IFT122: variants seen among roughly 807,000 people sequenced by gnomAD.
IFT122 encodes the protein intraflagellar transport protein 122 homolog.
A neutral mutation model predicts 161.6 loss-of-function variants in IFT122; 118 were observed. The observed-to-expected ratio is 0.73, with a 90% CI of 0.63 to 0.85. The LOEUF is 0.85. Among genes scored for constraint, IFT122 ranks in the 40% least tolerant of loss-of-function variants. IFT122 has a pLI of 0.00. For synonymous variants in IFT122, 550 were observed against 602.4 expected, an observed-to-expected ratio of 0.91 and a Z score of 1.27; for missense variants, 1,381 against 1,579.6, an observed-to-expected ratio of 0.87 and a Z score of 2.13.
At chr3:129,442,623 A>G (rs560049476) in intron 1 of IFT122, among the ~76,000 whole-genome samples, 2 of 152,236 alleles carry the variant, frequency 1.3e-5, no homozygotes, top group Admixed American at 6.5e-5. Flanking sequence ...CTAGATGTCA[A>G]AGATTAGTCC....
At chr3:129,455,432 A>C (rs1025459315) in intron 3 of IFT122, among the ~76,000 whole-genome samples, 2 of 152,122 alleles carry the variant, frequency 1.3e-5, no homozygotes, top group Admixed American at 1.3e-4. Context: ...CGGCCTCCCA[A>C]AGTGCTGGGA....
intron 8 of IFT122, among the ~76,000 whole-genome samples, chr3:129,467,528 C>T (rs1019017495): frequency 1.3e-5 from 2 of 152,140 alleles, no homozygotes; most frequent in African/African-American, 4.8e-5. Context: ...TCGACACTTC[C>T]TCTATTACTG....
At chr3:129,471,349 ACT>A (rs2077351621) in intron 9 of IFT122, among the ~76,000 whole-genome samples, 1 of 152,056 alleles carries the variant, frequency 6.6e-6, no homozygotes, top group South Asian at 2.1e-4. Context: ...ATTTCCTAAA[ACT>A]CTCATTTTAA....
At chr3:129,447,970 G>A (rs757308965) in intron 1 of IFT122, among the ~76,000 whole-genome samples, 6 of 152,062 alleles carry the variant, frequency 3.9e-5, no homozygotes, top group Non-Finnish European at 7.4e-5. Flanking sequence ...ACGGTTGGGG[G>A]GGCTTACAAT....
chr3:129,499,939 T>C lies in IFT122; in HGVS notation c.2246T>C (p.Met749Thr). The change falls in exon 19 of 30, where the codon ATG becomes ACG. Residue 749 changes from methionine to threonine, a missense_variant. Met to Thr is a moderately conservative substitution (Grantham distance 81). Transcript: ENST00000348417. ...LGSGDPKETK[M>T]LITKQADWAR... ...TCTGGAGACCCCAAAGAAACAAAGA[T>C]GCTAATCACCAAACAGGCTGACTGG... 6.2e-7 allele frequency: 1 copy of C among 1,614,232 alleles called. No homozygotes were observed. Among genetic ancestry groups the C allele is most frequent in the Non-Finnish European group, 8.5e-7 (1 of 1,180,040 alleles).
At chr3:129,509,421 TCTC>T (rs1411478336) in intron 23 of IFT122, among the ~76,000 whole-genome samples, 5 of 152,220 alleles carry the variant, frequency 3.3e-5, no homozygotes, top group Admixed American at 3.3e-4. Context: ...AAGCCTCTCA[TCTC>T]CTTTGCAAAA....
At chr3:129,505,357 GAC>G (rs2082084196) in intron 21 of IFT122, among the ~76,000 whole-genome samples, 1 of 152,174 alleles carries the variant, frequency 6.6e-6, no homozygotes, top group Admixed American at 6.5e-5. Context: ...GCCCTCTCTG[GAC>G]ACATTGCAGA....
At chr3:129,515,719 A>G in intron 26 of IFT122, 120 bp downstream of exon 26, 1 of 859,496 alleles carries the variant, frequency 1.2e-6, no homozygotes, top group South Asian at 1.4e-5. Context: ...GTCCCTGTTT[A>G]TGAAATGAGG....
chr3:129,485,202 C>G (rs2079133257), intron 15 of IFT122, among the ~76,000 whole-genome samples: 1 of 152,200 alleles, frequency 6.6e-6, no homozygotes, highest in Non-Finnish European at 1.5e-5. Context: ...GCATAAATTC[C>G]TAGAAATGAA....
intron 19 of IFT122, among the ~76,000 whole-genome samples, chr3:129,502,097 A>G (rs1254127946): frequency 1.3e-5 from 2 of 152,240 alleles, no homozygotes; most frequent in Admixed American, 1.3e-4. Context: ...GGGTCCCTGC[A>G]GCTCCTCCCT....
intron 20 of IFT122, 52 bp downstream of exon 20, chr3:129,502,934 ACAGG>A (rs1277290496): frequency 2.5e-6 from 4 of 1,579,356 alleles, no homozygotes; most frequent in Non-Finnish European, 3.4e-6. Context: ...GCCCTGGGAC[ACAGG>A]CGGGTGGGTA....
Position 129,464,749 on chromosome 3 carries a change from G to T in IFT122, c.531G>T (p.Ser177=), listed in dbSNP as rs150496357. The T allele has an allele frequency of 1.9e-6, 3 of 1,614,040 alleles. No homozygotes were observed. Among genetic ancestry groups the T allele is most frequent in the African/African-American group, 2.7e-5 (2 of 74,982 alleles). ...VKIERPGGSL[S]PIWSICWNPS... is the part of the protein sequence containing the mutation. ...TCGAGCGGCCGGGGGGCTCCCTCTCGCCAATATGGTCCATCTGCTGGAACC... is the reference window on the plus strand; with the variant it reads ...TCGAGCGGCCGGGGGGCTCCCTCTCTCCAATATGGTCCATCTGCTGGAACC... Residue 177 remains serine (S), a synonymous_variant, in exon 7 of 30, where the codon TCG becomes TCT. Coordinates refer to ENST00000348417, the MANE Select transcript of IFT122 (RefSeq NM_052989.3).
intron 23 of IFT122, among the ~76,000 whole-genome samples, chr3:129,510,761 T>C (rs1302480106): frequency 6.6e-6 from 1 of 152,220 alleles, no homozygotes; most frequent in African/African-American, 2.4e-5. Context: ...CTGGCTCTTA[T>C]CCCAGCTGAA....
At chr3:129,512,277 G>T (rs1053945262) in intron 23 of IFT122, 35 bp from the exon 24 acceptor site, 1 of 1,473,820 alleles carries the variant, frequency 6.8e-7, no homozygotes, top group Admixed American at 1.7e-5. Flanking sequence ...AGCTCTTGAA[G>T]AACTCAATCC....
chr3:129,475,115 T>G (rs1329243863), intron 9 of IFT122, among the ~76,000 whole-genome samples: 1 of 152,170 alleles, frequency 6.6e-6, no homozygotes, highest in Non-Finnish European at 1.5e-5. Flanking sequence ...GTTATGATCA[T>G]ACGACTGCAT....
intron 21 of IFT122, 146 bp downstream of exon 21, chr3:129,504,567 A>G: frequency 2.7e-6 from 2 of 739,252 alleles, no homozygotes; most frequent in Non-Finnish European, 4.8e-6. Context: ...TTGGTGGTGA[A>G]AGACTGTGGA....
intron 3 of IFT122, among the ~76,000 whole-genome samples, chr3:129,454,410 A>AC (rs1261543595): frequency 1.3e-5 from 2 of 151,690 alleles, no homozygotes; most frequent in East Asian, 3.9e-4. Flanking sequence ...AAAAAAAAAA[A>AC]AGACAAGTCA....
Position 129,458,672 on chromosome 3 carries a change from G to C in IFT122, c.267G>C (p.Lys89Asn). ...CATCAAAACTGGAAGGCATTCTGAA[G>C]TACACGTAAGTAACTTAGGTGTACA... ...IWTSKLEGIL[K>N]YTHNDAIQCV... is the part of the protein sequence containing the mutation. Residue 89 changes from lysine (K) to asparagine (N), a missense_variant, in exon 4 of 30, where the codon AAG becomes AAC. By Grantham distance (94) the Lys-to-Asn change is moderately conservative (BLOSUM62 0). Around this residue, in one of 7 missense-constraint regions of IFT122, gnomAD observed 134 missense variants for 137.4 expected, o/e 0.98. Coordinates refer to ENST00000348417, the MANE Select transcript of IFT122 (RefSeq NM_052989.3). The C allele has an allele frequency of 1.2e-6, 2 of 1,606,562 alleles. No homozygotes were observed. The highest frequency in any genetic ancestry group is 1.7e-6 in the Non-Finnish European group (2 of 1,173,132).
At chr3:129,515,101 TG>T in intron 25 of IFT122, 1 of 397,210 alleles carries the variant, frequency 2.5e-6, no homozygotes, top group Non-Finnish European at 4.8e-6. Context: ...TTCTGCACCT[TG>T]GGTTCCCCCT....
Sources: gnomAD v4.1 joint callset for allele counts (sites outside exome capture counted in the v4.1 genomes callset) on GRCh38, gnomAD v4.1.1 for gene constraint, gnomAD v4.1.1 regional missense constraint, MANE v1.5 for transcripts, NCBI Gene and HGNC (gene_info 2026-07-23, HGNC 2026-07-21) for gene names.